The following UPF2 variants were observed in gnomAD, a reference collection of about 807,000 sequenced individuals.
UPF2 encodes UPF2 regulator of nonsense mediated mRNA decay.
Under a neutral mutation model 141.4 loss-of-function variants are expected in UPF2, and 17 were observed. That is an observed-to-expected ratio of 0.12 (90% CI 0.08 to 0.18). The LOEUF (loss-of-function observed/expected upper bound fraction) is 0.18. UPF2 is among the 10% of genes least tolerant of loss of function. The probability of loss-of-function intolerance (pLI) is 1.00; values close to 1 mark genes in which losing one functional copy is unlikely to be tolerated. For missense variants in UPF2, 1,152 were observed against 1,515.9 expected (o/e 0.76, Z 3.99); for synonymous variants, 540 against 498.0 (o/e 1.08, Z -1.12).
intron 8 of UPF2, among the ~76,000 whole-genome samples, chr10:11,991,772 G>C (rs1833784421): frequency 6.6e-6 from 1 of 152,224 alleles, no homozygotes; most frequent in African/African-American, 2.4e-5. Flanking sequence ...AGCCATTCAA[G>C]TAACATAGCC....
rs942676465 is a variant in UPF2 at position 12,024,846 on chromosome 10, T to C, written c.1145+3899A>G. Among the ~76,000 whole-genome samples the C allele has an allele frequency of 2.2e-5, 3 of 136,574 alleles. No individual in the cohort carries two copies. The Admixed American group carries it at 2.5e-4, about 11-fold the overall frequency. 89.6% of individuals were successfully genotyped at this position (136,574 alleles called of 152,430 possible). ...TACTTGACAGCCTGAGGTGGGAAGA[T>C]CCCTTAAGCCCCAGGAGGTCAAGGC... On this transcript the variant is annotated intron_variant, in intron 3 of 21. Coordinates refer to ENST00000357604, the MANE Select transcript of UPF2 (RefSeq NM_015542.4).
rs1564330724 is a variant in UPF2, at chr10:11,920,027, T to G, written c.*1271A>C. On this transcript the variant is annotated 3_prime_UTR_variant, in exon 22 of 22. Coordinates refer to ENST00000357604, the MANE Select transcript of UPF2 (RefSeq NM_015542.4). ...AAACAACACCACGCCAAATCTAAAT[T>G]ACAACACTTTATTGCAGCATCGGCA... is the stretch of plus-strand genomic sequence containing the variant. 6.6e-6 allele frequency: 1 copy of G among 152,208 alleles called. No individual in the cohort carries two copies. The highest frequency in any genetic ancestry group is 1.5e-5 in the Non-Finnish European group (1 of 68,050). 9.4% of individuals were successfully genotyped at this position (152,208 alleles called of 1,614,324 possible).
Position 11,931,605 on chromosome 10 carries a change from C to G in UPF2, c.3688+36G>C, listed in dbSNP as rs533170824. The stretch of plus-strand genomic sequence containing the variant: ...AACAATTTTGATGCTCAAAAGGCAA[C>G]AAAAATTTCCACTTCTCTTATAGAT... On this transcript the variant is annotated intron_variant, in intron 20 of 21. Transcript: ENST00000357604. This position sits in a 1 kb window ranked among gnomAD's most constrained non-coding sequence, Gnocchi z 5.9. 2 of 1,508,048 alleles carry G rather than the reference C, an allele frequency of 1.3e-6. No homozygotes were observed. Among genetic ancestry groups the G allele is most frequent in the South Asian group, 2.8e-5 (2 of 72,464 alleles). The allele number at this position is 1,508,048 out of a possible 1,614,324, so 93.4% of individuals were successfully genotyped here. A position where few individuals can be genotyped will look rare whatever the true frequency, so the allele number is the denominator to read the frequency against.
intron 2 of UPF2, among the ~76,000 whole-genome samples, chr10:12,030,354 T>C (rs1414519013): frequency 6.6e-6 from 1 of 151,620 alleles, no homozygotes; most frequent in African/African-American, 2.4e-5. Context: ...GCCAACATGG[T>C]GAAACCCCGT....
rs1834220150 is a variant in UPF2 at position 12,016,368 on chromosome 10, T to C, written c.1146-2184A>G. ...TGTGAGCCACCACACTCGGCCAAAA[T>C]TAAATAAAATACTCGAATAAGTAAT... On this transcript the variant is annotated intron_variant, in intron 3 of 21. Coordinates refer to ENST00000357604, the MANE Select transcript of UPF2 (RefSeq NM_015542.4). The surrounding 1 kb of genome is among the most constrained non-coding windows in gnomAD (Gnocchi z 4.1). Among the ~76,000 whole-genome samples, 1 of 151,798 alleles carries C rather than the reference T, an allele frequency of 6.6e-6. No homozygotes were observed. The highest frequency in any genetic ancestry group is 2.1e-4 in the South Asian group (1 of 4,778).
chr10:12,015,888 A>G (rs1834209938), intron 3 of UPF2, among the ~76,000 whole-genome samples: 1 of 152,114 alleles, frequency 6.6e-6, no homozygotes, highest in African/African-American at 2.4e-5. Context: ...TTAAATATAT[A>G]TTAGATATCA....
At chr10:11,946,167 T>C (rs1383751991) in intron 16 of UPF2, among the ~76,000 whole-genome samples, 1 of 152,230 alleles carries the variant, frequency 6.6e-6, no homozygotes, top group Non-Finnish European at 1.5e-5. Flanking sequence ...CATTATTGCC[T>C]ATACTGTCTT....
intron 4 of UPF2, among the ~76,000 whole-genome samples, chr10:12,009,317 T>A (rs1834089632): frequency 6.6e-6 from 1 of 152,076 alleles, no homozygotes; most frequent in Non-Finnish European, 1.5e-5. Flanking sequence ...AGAGGACAAG[T>A]AAATTACAGA....
chr10:12,018,392 C>G (rs1050239870), intron 3 of UPF2, among the ~76,000 whole-genome samples: 2 of 152,028 alleles, frequency 1.3e-5, no homozygotes, highest in Admixed American at 1.3e-4. Context: ...ATCACCCTGA[C>G]CAACACGGTG....
Position 11,946,863 on chromosome 10 carries a change from C to A in UPF2, c.3174+1506G>T, listed in dbSNP as rs144568593. 6.5e-3 allele frequency among the ~76,000 whole-genome samples: 990 copies of A among 152,236 alleles called. 7 individuals carry two copies. The highest frequency in any genetic ancestry group is 0.011 in the Non-Finnish European group (743 of 68,016). The stretch of plus-strand genomic sequence containing the variant: ...CCGAGTAGCTGGTACTATAGATGTG[C>A]ACAGCTTCATGGAACATTTAAACGT... On this transcript the variant is annotated intron_variant, in intron 16 of 21. Coordinates refer to ENST00000357604, the MANE Select transcript of UPF2 (RefSeq NM_015542.4).
chr10:11,930,606 C>G (rs1210183565), intron 20 of UPF2, among the ~76,000 whole-genome samples: 2 of 152,000 alleles, frequency 1.3e-5, no homozygotes, highest in Non-Finnish European at 2.9e-5. Flanking sequence ...GCAAGATCCC[C>G]TCTCTACAAA....
intron 15 of UPF2, among the ~76,000 whole-genome samples, chr10:11,949,265 C>T (rs1207000142): frequency 6.6e-6 from 1 of 152,202 alleles, no homozygotes; most frequent in Admixed American, 6.5e-5. Flanking sequence ...AAGCCCTCCC[C>T]TGAAGTTGCC....
rs556036322 is a variant in UPF2 at position 11,930,022 on chromosome 10, T to C, written c.3689-37A>G. 2.4e-5 allele frequency: 39 copies of C among 1,613,782 alleles called. No homozygotes were observed. The East Asian group carries it at 7.6e-4, about 31-fold the overall frequency. On this transcript the variant is annotated intron_variant, in intron 20 of 21. Coordinates refer to ENST00000357604, the MANE Select transcript of UPF2 (RefSeq NM_015542.4). ...AGCAAAAAAAGAGAATGCTGTTAAC[T>C]CTTAGAAATGTACTCCTCCTACAGA...
intron 18 of UPF2, among the ~76,000 whole-genome samples, chr10:11,938,868 T>TTTTTTTTTG (rs1554774700): frequency 1.1e-5 from 1 of 90,822 alleles, no homozygotes; most frequent in Non-Finnish European, 2.4e-5. Context: ...TTTTTTTTTT[T>TTTTTTTTTG]TTTTTTTTTT....
intron 12 of UPF2, among the ~76,000 whole-genome samples, chr10:11,958,161 T>C (rs1197936190): frequency 6.6e-6 from 1 of 152,212 alleles, no homozygotes; most frequent in Non-Finnish European, 1.5e-5. Context: ...GAGACCAGCC[T>C]GTGGAACATA....
At chr10:11,927,245 T>A (rs949981884) in intron 21 of UPF2, among the ~76,000 whole-genome samples, 1 of 152,180 alleles carries the variant, frequency 6.6e-6, no homozygotes, top group African/African-American at 2.4e-5. Flanking sequence ...ACTAAGACAC[T>A]ATACTTGCGA....
chr10:12,009,025 T>TCA, intron 4 of UPF2, among the ~76,000 whole-genome samples: 1 of 152,160 alleles, frequency 6.6e-6, no homozygotes, highest in Non-Finnish European at 1.5e-5. Flanking sequence ...ATGAACTCAC[T>TCA]CTTTTTTATG....
rs747564419 is a variant in UPF2 at position 11,959,251 on chromosome 10, C to G, written c.2290G>C (p.Val764Leu). Residue 764 changes from valine to leucine, a missense_variant, in exon 12 of 22, where the codon GTG becomes CTG. Transcript: ENST00000357604. This position sits in a 1 kb window ranked among gnomAD's most constrained non-coding sequence, Gnocchi z 5.9. ...YCNPPPAEKT[V>L]KKKRPPLQEY... is the part of the protein sequence containing the mutation. Reference sequence around the variant, plus strand: ...TGGAGAGGAGGACGTTTCTTTTTCACGGTTTTTTCAGCTGGAGGTGGGTTG... The same window carrying G: ...TGGAGAGGAGGACGTTTCTTTTTCAGGGTTTTTTCAGCTGGAGGTGGGTTG... 2 of 1,613,460 alleles carry G rather than the reference C, an allele frequency of 1.2e-6. No individual in the cohort carries two copies. The highest frequency in any genetic ancestry group is 1.7e-6 in the Non-Finnish European group (2 of 1,179,822).
chr10:11,949,619 A>G lies in UPF2; in HGVS notation c.3035-1111T>C, dbSNP rs371901159. Among the ~76,000 whole-genome samples the G allele has an allele frequency of 3.3e-5, 5 of 152,220 alleles. No homozygotes were observed. In the East Asian group the frequency reaches 9.6e-4, roughly 29 times the overall value. ...AAAACTTAAGACAGCCCATATATTA[A>G]TAAATACACAGTAGGTGTTAAATAA... On this transcript the variant is annotated intron_variant, in intron 15 of 21. Coordinates refer to ENST00000357604, the MANE Select transcript of UPF2 (RefSeq NM_015542.4).
Sources: allele counts gnomAD v4.1 joint callset (sites outside exome capture counted in the v4.1 genomes callset), GRCh38; gene constraint gnomAD v4.1.1; non-coding constraint Gnocchi (gnomAD v3.1); transcripts MANE v1.5; gene names NCBI Gene and HGNC (gene_info 2026-07-23, HGNC 2026-07-21).